Variants in IGSF9 observed in about 807,000 individuals in gnomAD.
IGSF9 encodes the protein immunoglobulin superfamily member 9.
Under a neutral mutation model 121.7 loss-of-function variants are expected in IGSF9, and 87 were observed. The ratio of observed to expected loss-of-function variants is 0.71; its 90% CI spans 0.60 to 0.85. The LOEUF is 0.85. Ranked by LOEUF, IGSF9 falls within the 40% of genes least tolerant of loss-of-function variation. The pLI, the probability that IGSF9 is intolerant of heterozygous loss-of-function variation, is 0.00. For synonymous variants in IGSF9, 640 were observed against 648.4 expected (o/e 0.99, Z 0.20); for missense variants, 1,462 against 1,565.3 (o/e 0.93, Z 1.11).
chr1:159,930,277 T>C lies in IGSF9; in HGVS notation c.1976A>G (p.Glu659Gly). 2 of 1,613,666 alleles carry C rather than the reference T, an allele frequency of 1.2e-6. No individual in the cohort carries two copies. The highest frequency in any genetic ancestry group is 1.7e-6 in the Non-Finnish European group (2 of 1,179,860). The change falls in exon 15 of 21, where the codon GAA (glutamate) becomes GGA (glycine). Residue 659 changes from glutamate to glycine, a missense_variant. Around this residue, in one of 3 missense-constraint regions of IGSF9, gnomAD observed 808 missense variants for 815.2 expected, o/e 0.99. Coordinates refer to ENST00000368094, the MANE Select transcript of IGSF9 (RefSeq NM_001135050.2). ...VPKRLDGYVL[E>G]GRQGSQGWEV... The stretch of plus-strand genomic sequence containing the variant: ...CCAGCCCTGGGAGCCTTGCCGGCCT[T>C]CCAAGACGTAGCCATCCAGTCTCTT...
In IGSF9 at chr1:159,927,451, A is replaced by C. The variant is rs1420310117; in HGVS notation, c.3434T>G (p.Leu1145Arg). The C allele has an allele frequency of 1.2e-6, 2 of 1,614,132 alleles. No homozygotes were observed. The highest frequency in any genetic ancestry group is 2.2e-5 in the South Asian group (2 of 91,080). Residue 1145 changes from leucine to arginine, a missense_variant, in exon 21 of 21, where the codon CTT becomes CGT. By Grantham distance (102) the Leu-to-Arg change is moderately radical. This residue lies in a region of IGSF9 where 808 missense variants were observed against 815.2 expected (regional missense o/e 0.99). Transcript: ENST00000368094. ...VTGPEARCAA[L>R]REEFLAFRRR... ...GCGGAAGGCCAGGAATTCCTCCCGA[A>C]GGGCAGCACAGCGGGCCTCAGGGCC... is the stretch of plus-strand genomic sequence containing the variant.
At chr1:159,934,992 A>G (rs977270057) in intron 6 of IGSF9, among the ~76,000 whole-genome samples, 170 bp from the exon 7 acceptor site, 2 of 152,168 alleles carry the variant, frequency 1.3e-5, no homozygotes, top group African/African-American at 4.8e-5. Context: ...ACAAGAATTC[A>G]TCCTCTCCCT....
chr1:159,929,533 T>C, intron 17 of IGSF9, 105 bp downstream of exon 17: 1 of 1,477,106 alleles, frequency 6.8e-7, no homozygotes, highest in South Asian at 1.3e-5. Flanking sequence ...ACTAAGAGAA[T>C]GCACCTGGAT....
chr1:159,930,377 G>T lies in IGSF9; in HGVS notation c.1876C>A (p.Pro626Thr). 6.3e-7 allele frequency: 1 copy of T among 1,587,530 alleles called. No individual in the cohort carries two copies. Among genetic ancestry groups the T allele is most frequent in the Non-Finnish European group, 8.6e-7 (1 of 1,165,042 alleles). ...CTCACTGCCACCAGACCCCGCGGAG[G>T]GGACAGGGGAGGCGGTATCTCTGTT... Reference protein sequence around the residue: ...PPTEIPPPLSPPRGLVAVRTP... With the variant: ...PPTEIPPPLSTPRGLVAVRTP... Residue 626 changes from proline (P) to threonine (T), a missense_variant, in exon 15 of 21, where the codon CCT (proline) becomes ACT (threonine). Transcript: ENST00000368094.
intron 5 of IGSF9, 36 bp downstream of exon 5, chr1:159,936,718 T>C: frequency 6.2e-7 from 1 of 1,607,594 alleles, no homozygotes; most frequent in Non-Finnish European, 8.5e-7. Flanking sequence ...CCCTTCACAC[T>C]CTATATGGCT....
rs1436751242 is a variant in IGSF9, at chr1:159,943,499, C to T, written c.-45G>A. 8.7e-6 allele frequency: 13 copies of T among 1,495,678 alleles called. No individual in the cohort carries two copies. Among genetic ancestry groups the T allele is most frequent in the Non-Finnish European group, 1.2e-5 (13 of 1,120,126 alleles). The allele number at this position is 1,495,678 out of a possible 1,614,324, so 92.7% of individuals were successfully genotyped here. A position where few individuals can be genotyped will look rare whatever the true frequency, so the allele number is the denominator to read the frequency against. Reference sequence around the variant, plus strand: ...CCCAGCCCCTCCTATCCACAGGAGCCCAGATGGAGGGGCCAAGGGATGTCC... The same window carrying T: ...CCCAGCCCCTCCTATCCACAGGAGCTCAGATGGAGGGGCCAAGGGATGTCC... On this transcript the variant is annotated 5_prime_UTR_variant, in exon 2 of 21. Coordinates refer to ENST00000368094, the MANE Select transcript of IGSF9 (RefSeq NM_001135050.2).
At position 159,936,390 on chromosome 1, in the gene IGSF9, A is replaced by G. The variant is rs1651184476; in HGVS notation, c.673+9T>C. 1 of 1,611,846 alleles carries G rather than the reference A, an allele frequency of 6.2e-7. No homozygotes were observed. On this transcript the variant is annotated intron_variant, in intron 6 of 20. Transcript: ENST00000368094. ...AACCCTGGACCCCAGCCCTCCCGCCAGAGAGCACCTAGCACTAGCAGCTGG... is the reference window on the plus strand; with the variant it reads ...AACCCTGGACCCCAGCCCTCCCGCCGGAGAGCACCTAGCACTAGCAGCTGG...
intron 3 of IGSF9, among the ~76,000 whole-genome samples, chr1:159,941,848 C>T (rs757840980): frequency 3.3e-5 from 5 of 152,252 alleles, no homozygotes; most frequent in Non-Finnish European, 7.3e-5. Context: ...TCCATTCCCA[C>T]AGGGCTTGTG....
chr1:159,941,731 C>T (rs556746957), intron 3 of IGSF9, among the ~76,000 whole-genome samples: 4 of 152,348 alleles, frequency 2.6e-5, no homozygotes, highest in South Asian at 2.1e-4. Flanking sequence ...AGCCTCAGCC[C>T]GGCAGCCCGA....
At position 159,931,879 on chromosome 1, in the gene IGSF9, A is replaced by G. The variant is rs1466976230; in HGVS notation, c.1295T>C (p.Val432Ala). 9 of 1,598,368 alleles carry G rather than the reference A, an allele frequency of 5.6e-6. No individual in the cohort carries two copies. Among genetic ancestry groups the G allele is most frequent in the Non-Finnish European group, 7.7e-6 (9 of 1,175,226 alleles). ...ERPKEEYFQE[V>A]GRELLIPCSA... ...GCAGGGGATGAGCAGCTCCCGCCCT[A>G]CTTCTTGGAAATATTCTTCCTTGGG... Residue 432 changes from valine to alanine, a missense_variant, in exon 11 of 21, where the codon GTA (valine) becomes GCA (alanine). Transcript: ENST00000368094. This position sits in a 1 kb window ranked among gnomAD's most constrained non-coding sequence, Gnocchi z 4.8.
chr1:159,929,705 G>A lies in IGSF9; in HGVS notation c.2259C>T (p.Ser753=), dbSNP rs760355751. ...VCFLGVAVLV[S]ILAGCLLNRR... ...GGTTCAGGAGGCAGCCGGCCAGGAT[G>A]CTCACAAGGACGGCCACTCCCAGAA... The change falls in exon 17 of 21, where the codon AGC becomes AGT. Residue 753 remains serine, a synonymous_variant. Coordinates refer to ENST00000368094, the MANE Select transcript of IGSF9 (RefSeq NM_001135050.2). The A allele has an allele frequency of 2.2e-5, 35 of 1,599,886 alleles. No individual in the cohort carries two copies. In the East Asian group the frequency reaches 4.5e-4, roughly 21 times the overall value.
chr1:159,929,414 T>TA, intron 17 of IGSF9, 21 bp from the exon 18 acceptor site: 1 of 1,613,668 alleles, frequency 6.2e-7, no homozygotes, highest in South Asian at 1.1e-5. Flanking sequence ...ATGAGAATAG[T>TA]AGGTGACACA....
rs1274033592 is a variant in IGSF9, at chr1:159,928,179, T to C, written c.3209A>G (p.His1070Arg). ...SGPERWPRRE[H>R]VVTVSKRRNT... The stretch of plus-strand genomic sequence containing the variant: ...TCACCTCTTGCTGACTGTCACCACA[T>C]GCTCCCTTCGGGGCCATCTCTCAGG... The change falls in exon 19 of 21, where the codon CAT becomes CGT. Residue 1070 changes from histidine (H) to arginine (R), a missense_variant. Physicochemically the swap from His to Arg is conservative, Grantham distance 29 (BLOSUM62 0). Coordinates refer to ENST00000368094, the MANE Select transcript of IGSF9 (RefSeq NM_001135050.2). 1.9e-6 allele frequency: 3 copies of C among 1,609,518 alleles called. No individual in the cohort carries two copies. Among genetic ancestry groups the C allele is most frequent in the Non-Finnish European group, 1.7e-6 (2 of 1,179,866 alleles).
rs143442822 is a variant in IGSF9 at position 159,943,057 on chromosome 1, G to C, written c.153C>G (p.Pro51=). The C allele has an allele frequency of 1.5e-3, 2,423 of 1,613,352 alleles. 7 individuals carry two copies. The highest frequency in any genetic ancestry group is 1.8e-3 in the Non-Finnish European group (2,109 of 1,179,664). ...CDLLPPAGRP[P]LHVIEWLRFG... ...AGCGCAGCCACTCGATGACATGCAG[G>C]GGGGGCCGGCCGGCCGGGGGCAGCA... Residue 51 remains proline (P), a synonymous_variant, in exon 3 of 21, where the codon CCC becomes CCG. Transcript: ENST00000368094.
chr1:159,933,901 C>T (rs535254344), intron 9 of IGSF9: 40 of 451,950 alleles, frequency 8.9e-5, no homozygotes, highest in Non-Finnish European at 1.3e-4. Context: ...AGTCATCACA[C>T]GAAAGAAACT....
Position 159,928,573 on chromosome 1 carries a change from C to T in IGSF9, c.2815G>A (p.Gly939Arg), listed in dbSNP as rs766150396. The T allele has an allele frequency of 6.6e-7, 1 of 1,522,378 alleles. No homozygotes were observed. The highest frequency in any genetic ancestry group is 1.3e-5 in the South Asian group (1 of 77,066). The allele number at this position is 1,522,378 out of a possible 1,614,324, so 94.3% of individuals were successfully genotyped here. A position where few individuals can be genotyped will look rare whatever the true frequency, so the allele number is the denominator to read the frequency against. The stretch of plus-strand genomic sequence containing the variant: ...GGCTCCTCAAGCGGGGGCCAGTCCC[C>T]ATCCACATTCATCTCTCGGAAGAAG... ...LPFFREMNVD[G>R]DWPPLEEPSP... is the part of the protein sequence containing the mutation. The change falls in exon 19 of 21, where the codon GGG becomes AGG. Residue 939 changes from glycine (G) to arginine (R), a missense_variant. Transcript: ENST00000368094.
chr1:159,938,558 C>T (rs1041286437), intron 3 of IGSF9, among the ~76,000 whole-genome samples: 2 of 152,176 alleles, frequency 1.3e-5, no homozygotes, highest in African/African-American at 4.8e-5. Context: ...AGGCTCAGAC[C>T]GAGGGTGCCT....
rs988067291 is a variant in IGSF9, at chr1:159,932,128, G to A, written c.1246-200C>T. 5.2e-6 allele frequency: 3 copies of A among 572,126 alleles called. No homozygotes were observed. Among genetic ancestry groups the A allele is most frequent in the African/African-American group, 3.8e-5 (2 of 52,910 alleles). The allele number at this position is 572,126 out of a possible 1,614,324, so 35.4% of individuals were successfully genotyped here. A position where few individuals can be genotyped will look rare whatever the true frequency, so the allele number is the denominator to read the frequency against. The stretch of plus-strand genomic sequence containing the variant: ...CTGGCTCTGTTTCTGTTCCCCAGTG[G>A]GTAGGGGCTGGAGGAAAATGGTGGT... On this transcript the variant is annotated intron_variant, in intron 10 of 20. Coordinates refer to ENST00000368094, the MANE Select transcript of IGSF9 (RefSeq NM_001135050.2). The surrounding 1 kb of genome is among the most constrained non-coding windows in gnomAD (Gnocchi z 4.1).
At position 159,927,885 on chromosome 1, in the gene IGSF9, CTCCTG is replaced by C; in HGVS notation, c.3231-3_3232del. 6.7e-7 allele frequency: 1 copy of C among 1,503,192 alleles called. No homozygotes were observed. The highest frequency in any genetic ancestry group is 2.2e-5 in the Admixed American group (1 of 46,346). The allele number at this position is 1,503,192 out of a possible 1,614,324, so 93.1% of individuals were successfully genotyped here. A position where few individuals can be genotyped will look rare whatever the true frequency, so the allele number is the denominator to read the frequency against. ...ATAGTTCTCGTCCACAGATGTGTTC[CTCCTG>C]TAAAAAAAAAAAAAAAGACAAACAT... On this transcript the variant is annotated splice_acceptor_variant and splice_polypyrimidine_tract_variant and coding_sequence_variant and intron_variant, in exon 20 of 21. Coordinates refer to ENST00000368094, the MANE Select transcript of IGSF9 (RefSeq NM_001135050.2). LOFTEE classifies it high-confidence loss of function.
Sources: gnomAD v4.1 joint callset for allele counts (sites outside exome capture counted in the v4.1 genomes callset) on GRCh38, gnomAD v4.1.1 for gene constraint, gnomAD v4.1.1 regional missense constraint, Gnocchi (gnomAD v3.1) non-coding constraint, MANE v1.5 for transcripts, NCBI Gene and HGNC (gene_info 2026-07-23, HGNC 2026-07-21) for gene names.